The following MYO3B variants were observed in gnomAD, a reference collection of about 807,000 sequenced individuals.
The protein encoded by MYO3B is myosin-IIIb.
In MYO3B, 156 loss-of-function variants were observed where a neutral mutation model predicts 174.6. The observed-to-expected ratio is 0.89, with a 90% CI of 0.78 to 1.02. The LOEUF is 1.02. Ranked by LOEUF, MYO3B falls within the 50% of genes least tolerant of loss-of-function variation. The pLI, the probability that MYO3B is intolerant of heterozygous loss-of-function variation, is 0.00. For missense variants in MYO3B, 1,632 were observed against 1,639.4 expected (o/e 1.00, Z 0.08); for synonymous variants, 563 against 569.1 (o/e 0.99, Z 0.15).
At chr2:170,535,601 C>G (rs1303804567) in intron 30 of MYO3B, among the ~76,000 whole-genome samples, 1 of 152,174 alleles carries the variant, frequency 6.6e-6, no homozygotes, top group Non-Finnish European at 1.5e-5. Context: ...TCAACCAGAT[C>G]AGGATTTGTA....
At chr2:170,497,350 C>T (rs937363436) in intron 25 of MYO3B, among the ~76,000 whole-genome samples, 1 of 152,248 alleles carries the variant, frequency 6.6e-6, no homozygotes, top group African/African-American at 2.4e-5. Flanking sequence ...GGGGCGGTGG[C>T]TCACGCCTGT....
chr2:170,297,267 A>G (rs1324065418), intron 7 of MYO3B, among the ~76,000 whole-genome samples: 1 of 152,014 alleles, frequency 6.6e-6, no homozygotes, highest in East Asian at 1.9e-4. Flanking sequence ...CATATTTTAT[A>G]GGCCTGAAAA....
At chr2:170,371,763 C>T (rs541038612) in intron 9 of MYO3B, among the ~76,000 whole-genome samples, 1 of 150,770 alleles carries the variant, frequency 6.6e-6, no homozygotes, top group Non-Finnish European at 1.5e-5. Flanking sequence ...CATCATTTTT[C>T]TGCACAGTTA....
intron 1 of MYO3B, among the ~76,000 whole-genome samples, chr2:170,180,941 A>C (rs2092391583): frequency 6.6e-6 from 1 of 152,090 alleles, no homozygotes; most frequent in South Asian, 2.1e-4. Flanking sequence ...CAGAAAATTT[A>C]CCTTTTTTCT....
intron 7 of MYO3B, among the ~76,000 whole-genome samples, chr2:170,318,078 A>G (rs536404546): frequency 6.6e-6 from 1 of 152,284 alleles, no homozygotes; most frequent in South Asian, 2.1e-4. Context: ...TAATCATGCC[A>G]CCTTACCTAG....
chr2:170,322,699 A>G (rs1175936696), intron 7 of MYO3B, among the ~76,000 whole-genome samples: 2 of 152,148 alleles, frequency 1.3e-5, no homozygotes, highest in African/African-American at 4.8e-5. Context: ...CTGCTACTAC[A>G]TCTCCTCTGG....
chr2:170,522,724 C>T (rs1270643555), intron 30 of MYO3B, among the ~76,000 whole-genome samples: 2 of 152,176 alleles, frequency 1.3e-5, no homozygotes, highest in African/African-American at 2.4e-5. Context: ...ATTGTTCTAC[C>T]GGTGCACCTT....
intron 32 of MYO3B, among the ~76,000 whole-genome samples, chr2:170,553,858 T>G (rs2080313): frequency 0.77 from 117,511 of 152,110 alleles, 45,917 homozygotes; most frequent in African/African-American, 0.87. Context: ...GTTCTCATGA[T>G]AGTGAGTGAG....
chr2:170,646,319 GT>G (rs1452507118), intron 32 of MYO3B, among the ~76,000 whole-genome samples: 2 of 151,802 alleles, frequency 1.3e-5, no homozygotes, highest in South Asian at 2.1e-4. Context: ...TACAAATTGG[GT>G]TTTTTTTCTT....
intron 32 of MYO3B, among the ~76,000 whole-genome samples, chr2:170,557,752 C>G (rs1276184946): frequency 6.6e-6 from 1 of 152,080 alleles, no homozygotes. Context: ...GTGGGAGCTC[C>G]AACGGTGATA....
intron 33 of MYO3B, 43 bp downstream of exon 33, chr2:170,651,777 T>G (rs756329667): frequency 1.6e-5 from 25 of 1,527,418 alleles, no homozygotes; most frequent in Non-Finnish European, 2.2e-5. Context: ...TGGCTTTGTT[T>G]CCAGTTAATA....
intron 1 of MYO3B, 91 bp from the exon 2 acceptor site, chr2:170,199,117 C>A: frequency 1.2e-6 from 1 of 860,070 alleles, no homozygotes; most frequent in Non-Finnish European, 1.7e-6. Context: ...CATGAGGTTG[C>A]TGGTTAAGAA....
chr2:170,351,305 G>A lies in MYO3B; in HGVS notation c.815+15855G>A, dbSNP rs144489366. 3.8e-4 allele frequency among the ~76,000 whole-genome samples: 58 copies of A among 152,188 alleles called. 1 individual carries two copies. The highest frequency in any genetic ancestry group is 6.8e-3 in the Middle Eastern group (2 of 294). ...TGGTTCATTTAGGCTGATAAAAAGC[G>A]TCTGGGAAAAAGAATGGGGTAGGGG... On this transcript the variant is annotated intron_variant, in intron 8 of 34. Coordinates refer to ENST00000408978, the MANE Select transcript of MYO3B (RefSeq NM_138995.5).
chr2:170,361,600 A>G (rs893387995), intron 8 of MYO3B, among the ~76,000 whole-genome samples: 1 of 152,246 alleles, frequency 6.6e-6, no homozygotes, highest in African/African-American at 2.4e-5. Context: ...GCCAAGAACA[A>G]GAATAAAACA....
chr2:170,450,011 G>A (rs1683497837), intron 23 of MYO3B, among the ~76,000 whole-genome samples: 1 of 152,170 alleles, frequency 6.6e-6, no homozygotes, highest in Non-Finnish European at 1.5e-5. Flanking sequence ...AACTGTCTGT[G>A]GATGACAAAA....
In MYO3B at chr2:170,401,606, GCCATGTCCAAAGCC is replaced by G; in HGVS notation, c.2046_2059del (p.Met683ValfsTer13). On this transcript the variant is annotated frameshift_variant, in exon 18 of 35. Transcript: ENST00000408978. LOFTEE classifies it high-confidence loss of function. Reference sequence around the variant, plus strand: ...AGACAGGGCTGCGGACGTTCGAGACGCCATGTCCAAAGCCCTGTATGGGAGGCTCTTCAGCTGGA... The same window carrying G: ...AGACAGGGCTGCGGACGTTCGAGACGCTGTATGGGAGGCTCTTCAGCTGGA... 6.2e-7 allele frequency: 1 copy of G among 1,614,078 alleles called. No individual in the cohort carries two copies. Among genetic ancestry groups the G allele is most frequent in the Non-Finnish European group, 8.5e-7 (1 of 1,180,006 alleles).
At chr2:170,391,833 C>T (rs2094414022) in intron 15 of MYO3B, among the ~76,000 whole-genome samples, 1 of 151,954 alleles carries the variant, frequency 6.6e-6, no homozygotes, top group South Asian at 2.1e-4. Context: ...CAGCCATTTG[C>T]ATCATTATTC....
At chr2:170,464,344 C>CA (rs55671996) in intron 24 of MYO3B, among the ~76,000 whole-genome samples, 110 of 98,066 alleles carry the variant, frequency 1.1e-3, no homozygotes, top group East Asian at 5.5e-3. Context: ...GACTCCCTCT[C>CA]AAAAAAAAAA....
intron 7 of MYO3B, among the ~76,000 whole-genome samples, chr2:170,258,105 T>C (rs1462806397): frequency 6.6e-6 from 1 of 152,026 alleles, no homozygotes; most frequent in Non-Finnish European, 1.5e-5. Flanking sequence ...CCTAAAAAGC[T>C]ATGGACTAGA....
Sources: allele counts gnomAD v4.1 joint callset (sites outside exome capture counted in the v4.1 genomes callset), GRCh38; gene constraint gnomAD v4.1.1; transcripts MANE v1.5; gene names NCBI Gene and HGNC (gene_info 2026-07-23, HGNC 2026-07-21).